PUDP: variants seen among roughly 807,000 people sequenced by gnomAD.
PUDP encodes the protein pseudouridine 5'-phosphatase.
PUDP carries 8 observed loss-of-function variants against 9.4 expected under a neutral mutation model. The observed-to-expected ratio is 0.85, with a 90% CI of 0.50 to 1.53. The LOEUF is 1.53. Among genes scored for constraint, PUDP ranks in the 40% most tolerant of loss-of-function variants. The pLI is 0.00. For missense variants in PUDP, 188 were observed against 189.7 expected (o/e 0.99, Z 0.05); for synonymous variants, 99 against 80.7 (o/e 1.23, Z -1.22).
chrX:6,945,819 T>G (rs1318725248), intron 3 of PUDP, among the ~76,000 whole-genome samples: 1 of 111,143 alleles, frequency 9.0e-6, no homozygotes, highest in Non-Finnish European at 1.9e-5. Context: ...ATGAATATCG[T>G]AAACTAAAAA....
chrX:6,849,615 A>G (rs1926799100), intron 3 of PUDP, among the ~76,000 whole-genome samples: 2 of 111,950 alleles, frequency 1.8e-5, no homozygotes, highest in Non-Finnish European at 3.8e-5. Context: ...TATGCATTTA[A>G]TCATCTCTTG....
At chrX:6,876,198 G>T (rs770220188) in intron 3 of PUDP, among the ~76,000 whole-genome samples, 13 of 111,730 alleles carry the variant, frequency 1.2e-4, no homozygotes, top group African/African-American at 3.9e-4. Context: ...AATTACATGA[G>T]ATATATAACA....
At chrX:6,866,556 G>A (rs1354115684) in intron 3 of PUDP, among the ~76,000 whole-genome samples, 1 of 111,283 alleles carries the variant, frequency 9.0e-6, no homozygotes, top group Admixed American at 9.7e-5. Context: ...CAGGGTGAGA[G>A]AGAGGGGCAT....
intron 3 of PUDP, among the ~76,000 whole-genome samples, chrX:7,051,831 C>A (rs1183536815): frequency 1.8e-5 from 2 of 112,407 alleles, no homozygotes; most frequent in African/African-American, 6.5e-5. Context: ...CATGTGAAAA[C>A]AGATGTACTG....
At chrX:6,990,224 G>T (rs1212131207) in intron 1 of PUDP, among the ~76,000 whole-genome samples, 2 of 111,462 alleles carry the variant, frequency 1.8e-5, no homozygotes, top group Non-Finnish European at 3.8e-5. Context: ...TCCAGGGGTT[G>T]CCTTGAGCCT....
At chrX:6,736,856 T>A (rs1924878627) in intron 3 of PUDP, among the ~76,000 whole-genome samples, 2 of 110,972 alleles carry the variant, frequency 1.8e-5, no homozygotes, top group Admixed American at 1.9e-4. Flanking sequence ...TACTTGAGGG[T>A]GGACAGTGGG....
At position 7,131,516 on chromosome X, in the gene PUDP, C is replaced by T. The variant is rs183928574; in HGVS notation, c.61+16537G>A. Among the ~76,000 whole-genome samples the T allele has an allele frequency of 2.2e-3, 243 of 109,651 alleles. 3 individuals are homozygous for T. The highest frequency in any genetic ancestry group is 7.6e-3 in the African/African-American group (230 of 30,138). On this transcript the variant is annotated intron_variant, in intron 1 of 3. Transcript: ENST00000381077. Reference sequence around the variant, plus strand: ...AGGCCACGTGGAGAGAAGCTGAGACCGGAGCGATGCAGCTACAAGCCAAGG... The same window carrying T: ...AGGCCACGTGGAGAGAAGCTGAGACTGGAGCGATGCAGCTACAAGCCAAGG...
At chrX:7,147,881 T>G in intron 1 of PUDP, 172 bp downstream of exon 1, 1 of 253,242 alleles carries the variant, frequency 3.9e-6, no homozygotes, top group Non-Finnish European at 7.0e-6. Context: ...CGGGCGCTCC[T>G]GGCCGCCGCC....
intron 3 of PUDP, among the ~76,000 whole-genome samples, chrX:6,962,812 T>C (rs1928727682): frequency 8.9e-6 from 1 of 112,729 alleles, no homozygotes; most frequent in Admixed American, 9.4e-5. Flanking sequence ...TGATAAGAAA[T>C]TATTTCTCAC....
intron 2 of PUDP, chrX:7,084,641 C>A (rs1931210493): frequency 9.0e-6 from 1 of 110,877 alleles, no homozygotes; most frequent in African/African-American, 3.3e-5. Flanking sequence ...CATGCTGGGC[C>A]CTCAATAAAT....
At chrX:7,110,312 T>C (rs1932007219) in intron 1 of PUDP, among the ~76,000 whole-genome samples, 2 of 112,129 alleles carry the variant, frequency 1.8e-5, no homozygotes. Flanking sequence ...TAACTGAAAA[T>C]GTATCTTAAA....
intron 1 of PUDP, among the ~76,000 whole-genome samples, chrX:7,011,598 C>T (rs1442387679): frequency 6.3e-5 from 7 of 111,566 alleles, no homozygotes; most frequent in Non-Finnish European, 1.1e-4. Context: ...CATGCCATTA[C>T]CAGGGGACTT....
At chrX:6,977,730 C>A (rs890248378) in intron 2 of PUDP, among the ~76,000 whole-genome samples, 2 of 112,177 alleles carry the variant, frequency 1.8e-5, no homozygotes, top group Non-Finnish European at 3.8e-5. Context: ...GAAAAAGAGG[C>A]TCTACCAGCT....
intron 3 of PUDP, among the ~76,000 whole-genome samples, chrX:6,906,268 C>G (rs1157561654): frequency 2.7e-5 from 3 of 111,404 alleles, no homozygotes; most frequent in Admixed American, 9.6e-5. Flanking sequence ...CCATAAGACA[C>G]GAAATAATTG....
At chrX:7,111,509 C>T (rs1466655763) in intron 1 of PUDP, among the ~76,000 whole-genome samples, 2 of 5,121 alleles carry the variant, frequency 3.9e-4, no homozygotes, top group Admixed American at 2.2e-3. Flanking sequence ...TGGGGTGGGG[C>T]GGGGGGAGAT....
At chrX:6,969,888 T>G (rs1445173190) in intron 3 of PUDP, among the ~76,000 whole-genome samples, 1 of 112,125 alleles carries the variant, frequency 8.9e-6, no homozygotes, top group Admixed American at 9.5e-5. Flanking sequence ...CTTTGTAAAA[T>G]TTTTTGGAAG....
intron 3 of PUDP, among the ~76,000 whole-genome samples, chrX:6,902,770 G>C (rs542831912): frequency 9.0e-6 from 1 of 111,526 alleles, no homozygotes; most frequent in East Asian, 2.8e-4. Context: ...TTCCAGGGGG[G>C]CCTGGTTTGC....
intron 1 of PUDP, among the ~76,000 whole-genome samples, chrX:7,001,801 C>T (rs1929328683): frequency 8.9e-6 from 1 of 111,787 alleles, no homozygotes; most frequent in African/African-American, 3.2e-5. Context: ...TCACACTCTA[C>T]ACAAAAATAA....
intron 3 of PUDP, among the ~76,000 whole-genome samples, chrX:6,856,085 G>A (rs1448599157): frequency 9.0e-6 from 1 of 111,566 alleles, no homozygotes; most frequent in African/African-American, 3.3e-5. Context: ...AGGAACTGAA[G>A]ATAAACTTGT....
Sources: gnomAD v4.1 joint callset for allele counts (sites outside exome capture counted in the v4.1 genomes callset) on GRCh38, gnomAD v4.1.1 for gene constraint, MANE v1.5 for transcripts, NCBI Gene and HGNC (gene_info 2026-07-23, HGNC 2026-07-21) for gene names.